Variants in LRRC4C observed in about 807,000 individuals in gnomAD.
The protein encoded by LRRC4C is leucine rich repeat containing 4C, also known as leucine-rich repeat-containing protein 4C.
A neutral mutation model predicts 33.6 loss-of-function variants in LRRC4C; 5 were observed. That is an observed-to-expected ratio of 0.15 (90% CI 0.08 to 0.31). LRRC4C has a LOEUF of 0.31. Among genes scored for constraint, LRRC4C ranks in the 10% least tolerant of loss-of-function variants. The pLI, the probability that LRRC4C is intolerant of heterozygous loss-of-function variation, is 1.00. For missense variants in LRRC4C, 560 were observed against 796.7 expected, an observed-to-expected ratio of 0.70 and a Z score of 3.58; for synonymous variants, 329 against 302.0, an observed-to-expected ratio of 1.09 and a Z score of -0.93.
At chr11:41,129,811 T>C (rs569553226) in intron 1 of LRRC4C, among the ~76,000 whole-genome samples, 2 of 152,114 alleles carry the variant, frequency 1.3e-5, no homozygotes, top group Non-Finnish European at 2.9e-5. Context: ...TCTTAGTTGT[T>C]ACAGGTTATA....
intron 1 of LRRC4C, among the ~76,000 whole-genome samples, chr11:41,235,328 G>A (rs749890673): frequency 4.6e-5 from 7 of 151,954 alleles, no homozygotes; most frequent in Non-Finnish European, 8.8e-5. Context: ...TACTCATTTT[G>A]GTCCTTTCCA....
At chr11:40,690,989 A>G (rs910264146) in intron 2 of LRRC4C, among the ~76,000 whole-genome samples, 3 of 152,082 alleles carry the variant, frequency 2.0e-5, no homozygotes, top group African/African-American at 7.2e-5. Flanking sequence ...GAATAACACA[A>G]TCGGAAGTGG....
rs750437424 is a variant in LRRC4C at position 40,115,524 on chromosome 11, C to A, written c.769G>T (p.Val257Leu). 3.7e-6 allele frequency: 6 copies of A among 1,614,200 alleles called. No homozygotes were observed. The South Asian group carries it at 6.6e-5, about 18-fold the overall frequency. ...TTGTCAAAGGCATTCCGTTCAATCA[C>A]TTGAATCTGGGACTGTATCATCCAC... ...KLWMIQSQIQVIERNAFDNLQ... is the reference protein window; with the variant it reads ...KLWMIQSQIQLIERNAFDNLQ... The change falls in exon 7 of 7, where the codon GTG becomes TTG. Residue 257 changes from valine (V) to leucine (L), a missense_variant. Physicochemically the swap from Val to Leu is conservative, Grantham distance 32. This residue lies in a region of LRRC4C where 455 missense variants were observed against 643.8 expected (regional missense o/e 0.71). Coordinates refer to ENST00000528697, the MANE Select transcript of LRRC4C (RefSeq NM_001258419.2). The surrounding 1 kb of genome is among the most constrained non-coding windows in gnomAD (Gnocchi z 6.7).
chr11:41,232,897 G>A (rs1460471427), intron 1 of LRRC4C, among the ~76,000 whole-genome samples: 1 of 151,954 alleles, frequency 6.6e-6, no homozygotes, highest in Non-Finnish European at 1.5e-5. Context: ...GTTTAGTTAA[G>A]TCAACACTTC....
chr11:40,805,143 G>A (rs1951190611), intron 2 of LRRC4C, among the ~76,000 whole-genome samples: 1 of 152,158 alleles, frequency 6.6e-6, no homozygotes, highest in African/African-American at 2.4e-5. Flanking sequence ...CTATGTCCCA[G>A]AAATTGAATC....
At chr11:41,353,395 G>C (rs1952050467) in intron 1 of LRRC4C, among the ~76,000 whole-genome samples, 1 of 151,964 alleles carries the variant, frequency 6.6e-6, no homozygotes. Flanking sequence ...ATACCAATAA[G>C]AAAAATTCCT....
intron 4 of LRRC4C, among the ~76,000 whole-genome samples, chr11:40,269,261 A>C (rs1942508634): frequency 6.6e-6 from 1 of 152,174 alleles, no homozygotes; most frequent in Non-Finnish European, 1.5e-5. Context: ...GTTCCACTAC[A>C]AAGAACATAT....
intron 5 of LRRC4C, among the ~76,000 whole-genome samples, chr11:40,238,730 A>G (rs768838): frequency 0.74 from 113,003 of 152,060 alleles, 46,042 homozygotes; most frequent in East Asian, 0.95. Flanking sequence ...GAGTTAATAT[A>G]GAAATAGATT....
At chr11:41,044,314 G>C (rs1857629099) in intron 1 of LRRC4C, among the ~76,000 whole-genome samples, 1 of 152,124 alleles carries the variant, frequency 6.6e-6, no homozygotes, top group Non-Finnish European at 1.5e-5. Context: ...GTGAATGCAG[G>C]ATAATATTTT....
chr11:41,208,182 CAT>C (rs778755885), intron 1 of LRRC4C, among the ~76,000 whole-genome samples: 15 of 152,118 alleles, frequency 9.9e-5, no homozygotes, highest in Admixed American at 2.0e-4. Context: ...AGAAGGCAAT[CAT>C]GTGATAAAGT....
chr11:41,457,312 C>A (rs890776034), intron 1 of LRRC4C, among the ~76,000 whole-genome samples: 1 of 152,116 alleles, frequency 6.6e-6, no homozygotes, highest in Non-Finnish European at 1.5e-5. Flanking sequence ...ACAGTCCTAA[C>A]ACTAAATAGA....
intron 1 of LRRC4C, among the ~76,000 whole-genome samples, chr11:41,114,562 T>A (rs1210749011): frequency 6.6e-6 from 1 of 152,044 alleles, no homozygotes; most frequent in Non-Finnish European, 1.5e-5. Context: ...TAATAGCACT[T>A]TCCCCCAAAA....
intron 3 of LRRC4C, among the ~76,000 whole-genome samples, chr11:40,444,376 T>C (rs1951534533): frequency 6.6e-6 from 1 of 150,438 alleles, no homozygotes; most frequent in Non-Finnish European, 1.5e-5. Context: ...TTTAAATTTA[T>C]TTTTTTATTA....
At chr11:40,649,401 C>T (rs1232542850) in intron 2 of LRRC4C, among the ~76,000 whole-genome samples, 1 of 152,138 alleles carries the variant, frequency 6.6e-6, no homozygotes, top group African/African-American at 2.4e-5. Flanking sequence ...ACTTGCACAT[C>T]CATGTATAGG....
chr11:40,137,790 T>C (rs1218446118), intron 6 of LRRC4C, among the ~76,000 whole-genome samples: 1 of 152,214 alleles, frequency 6.6e-6, no homozygotes, highest in East Asian at 1.9e-4. Context: ...CCTTTCTCAT[T>C]GTTATCAGGA....
At chr11:40,318,695 A>T (rs891083441) in intron 4 of LRRC4C, among the ~76,000 whole-genome samples, 1 of 152,186 alleles carries the variant, frequency 6.6e-6, no homozygotes, top group Non-Finnish European at 1.5e-5. Flanking sequence ...AGCTAAGCCC[A>T]TTTACTACCT....
chr11:40,154,287 C>CAAAAAAAAAAAAAAAAAAAAAAAAAG (rs60017606), intron 5 of LRRC4C, among the ~76,000 whole-genome samples: 1 of 114,206 alleles, frequency 8.8e-6, no homozygotes, highest in African/African-American at 3.2e-5. Flanking sequence ...AGCTAAAAAG[C>CAAAAAAAAAAAAAAAAAAAAAAAAAG]AAAAAAAAAA....
intron 1 of LRRC4C, among the ~76,000 whole-genome samples, chr11:41,370,971 T>C (rs1304768705): frequency 6.6e-6 from 1 of 152,218 alleles, no homozygotes; most frequent in African/African-American, 2.4e-5. Flanking sequence ...TACTAAAATG[T>C]TTGTGCTTGT....
At chr11:41,098,935 C>T (rs61878577) in intron 1 of LRRC4C, among the ~76,000 whole-genome samples, 14,851 of 151,796 alleles carry the variant, frequency 0.098, 737 homozygotes, top group African/African-American at 0.12. Flanking sequence ...GATAGAGACG[C>T]TGCTAGCTAG....
Sources: allele counts gnomAD v4.1 joint callset (sites outside exome capture counted in the v4.1 genomes callset), GRCh38; gene constraint gnomAD v4.1.1; regional missense constraint gnomAD v4.1.1; non-coding constraint Gnocchi (gnomAD v3.1); transcripts MANE v1.5; gene names NCBI Gene and HGNC (gene_info 2026-07-23, HGNC 2026-07-21).